Variants in PRKN observed in about 807,000 individuals in gnomAD.
The protein encoded by PRKN is parkin RBR E3 ubiquitin protein ligase, also known as E3 ubiquitin-protein ligase parkin.
Under a neutral mutation model 59.5 loss-of-function variants are expected in PRKN, and 56 were observed. The observed-to-expected ratio is 0.94, with a 90% CI of 0.76 to 1.18. PRKN has a LOEUF of 1.18. PRKN is among the 50% of genes most tolerant of loss of function. PRKN has a pLI of 0.00. For missense variants in PRKN, 657 were observed against 596.4 expected (o/e 1.10, Z -1.06); for synonymous variants, 250 against 222.1 (o/e 1.13, Z -1.12).
At chr6:162,366,786 C>G (rs1401125689) in intron 2 of PRKN, among the ~76,000 whole-genome samples, 2 of 152,048 alleles carry the variant, frequency 1.3e-5, no homozygotes, top group Non-Finnish European at 2.9e-5. Context: ...ATAATCCCAG[C>G]TACTTGGGAG....
chr6:161,834,333 C>T (rs1792647859), intron 6 of PRKN, among the ~76,000 whole-genome samples: 1 of 152,186 alleles, frequency 6.6e-6, no homozygotes. Context: ...AGGCCTCACA[C>T]ATTCTCACTC....
intron 1 of PRKN, among the ~76,000 whole-genome samples, chr6:162,679,078 A>ATTTG (rs1779668854): frequency 8.0e-6 from 1 of 124,370 alleles, no homozygotes. Flanking sequence ...CCTGGCCTTT[A>ATTTG]TTTATTTATT....
At chr6:162,120,032 A>G (rs1270942800) in intron 4 of PRKN, among the ~76,000 whole-genome samples, 1 of 152,104 alleles carries the variant, frequency 6.6e-6, no homozygotes, top group East Asian at 1.9e-4. Context: ...TCTTGTTGTT[A>G]TTTCAGGTAG....
At chr6:162,398,806 C>T (rs1311652584) in intron 2 of PRKN, among the ~76,000 whole-genome samples, 1 of 152,164 alleles carries the variant, frequency 6.6e-6, no homozygotes, top group Non-Finnish European at 1.5e-5. Context: ...GCAAATGATA[C>T]ATTCCTGCTT....
intron 1 of PRKN, among the ~76,000 whole-genome samples, chr6:162,553,803 A>G (rs1406348878): frequency 6.8e-5 from 1 of 14,664 alleles, no homozygotes; most frequent in Non-Finnish European, 2.0e-4. Context: ...ATCCATCTCA[A>G]AAAAAAAAAA....
rs550809108 is a variant in PRKN, at chr6:162,478,728, T to C, written c.8-35255A>G. Among the ~76,000 whole-genome samples the C allele has an allele frequency of 3.3e-5, 5 of 152,304 alleles. 1 individual carries two copies. In the South Asian group the frequency reaches 6.2e-4, roughly 19 times the overall value. ...CAGGCGACTCCACACCTAGGCTCTA[T>C]GGGGCAGCCTGCTGCTCTTGGCTAC... On this transcript the variant is annotated intron_variant, in intron 1 of 11. Transcript: ENST00000366898.
At chr6:161,453,677 A>C (rs1789840597) in intron 9 of PRKN, among the ~76,000 whole-genome samples, 1 of 151,964 alleles carries the variant, frequency 6.6e-6, no homozygotes, top group Admixed American at 6.6e-5. Flanking sequence ...AATTCTTTGA[A>C]ATAAAGAGAA....
At chr6:161,899,297 T>C (rs1696718146) in intron 6 of PRKN, among the ~76,000 whole-genome samples, 1 of 152,212 alleles carries the variant, frequency 6.6e-6, no homozygotes, top group Non-Finnish European at 1.5e-5. Flanking sequence ...AATTACAAAA[T>C]GTTATACAAA....
At chr6:162,170,964 ATTCT>A (rs1783245062) in intron 4 of PRKN, among the ~76,000 whole-genome samples, 1 of 152,236 alleles carries the variant, frequency 6.6e-6, no homozygotes, top group Non-Finnish European at 1.5e-5. Context: ...CTATCCATTC[ATTCT>A]ATTAACAAAC....
chr6:161,733,825 T>TATATATATATATA (rs1484102927), intron 7 of PRKN, among the ~76,000 whole-genome samples: 1 of 144,572 alleles, frequency 6.9e-6, no homozygotes, highest in Non-Finnish European at 1.5e-5. Context: ...TATATATGTA[T>TATATATATATATA]TCCAAAGTGA....
chr6:162,481,107 G>A (rs997124100), intron 1 of PRKN, among the ~76,000 whole-genome samples: 1 of 152,186 alleles, frequency 6.6e-6, no homozygotes, highest in Non-Finnish European at 1.5e-5. Context: ...ACAGGCATGA[G>A]CCACTGCGCC....
chr6:161,776,520 T>C (rs907691326), intron 7 of PRKN, among the ~76,000 whole-genome samples: 2 of 152,248 alleles, frequency 1.3e-5, no homozygotes, highest in Non-Finnish European at 2.9e-5. Flanking sequence ...TTTGCATTTA[T>C]GAATGCTACA....
In PRKN at chr6:162,152,110, T is replaced by A. The variant is rs116203477; in HGVS notation, c.534+49021A>T. ...AACTTGTGGCTGCTCAACAGTAGAA[T>A]TGGAAAGAAAGGCTCTTCTCTGATT... On this transcript the variant is annotated intron_variant, in intron 4 of 11. Coordinates refer to ENST00000366898, the MANE Select transcript of PRKN (RefSeq NM_004562.3). Among the ~76,000 whole-genome samples the A allele has an allele frequency of 2.2e-3, 338 of 152,254 alleles. 1 individual carries two copies. The highest frequency in any genetic ancestry group is 7.8e-3 in the African/African-American group (323 of 41,556).
At chr6:161,884,354 A>G (rs1160070177) in intron 6 of PRKN, among the ~76,000 whole-genome samples, 1 of 152,236 alleles carries the variant, frequency 6.6e-6, no homozygotes, top group Non-Finnish European at 1.5e-5. Flanking sequence ...GGCCTATGAC[A>G]ATACACAGCA....
chr6:162,165,860 C>G (rs2023084), intron 4 of PRKN, among the ~76,000 whole-genome samples: 3,788 of 151,848 alleles, frequency 0.025, 176 homozygotes, highest in African/African-American at 0.087. Context: ...ACCAGCCTGG[C>G]CAACATGGTG....
rs1583222976 is a variant in PRKN at position 161,554,885 on chromosome 6, C to A, written c.934-5882G>T. Among the ~76,000 whole-genome samples, 1 of 152,058 alleles carries A rather than the reference C, an allele frequency of 6.6e-6. No individual in the cohort carries two copies. The highest frequency in any genetic ancestry group is 1.9e-4 in the East Asian group (1 of 5,174). On this transcript the variant is annotated intron_variant, in intron 8 of 11. Transcript: ENST00000366898. This position sits in a 1 kb window ranked among gnomAD's most constrained non-coding sequence, Gnocchi z 4.5. ...TTTTCCTTTGTAAATTAATTGCCCT[C>A]TTTTGCCTAGATGCCCAAGGAATTT...
intron 6 of PRKN, among the ~76,000 whole-genome samples, chr6:161,943,274 A>C (rs932799147): frequency 6.6e-6 from 1 of 152,124 alleles, no homozygotes; most frequent in East Asian, 1.9e-4. Flanking sequence ...CAAATAAGAC[A>C]AAAAAAATTA....
At chr6:161,790,285 G>A (rs2128207784) in intron 6 of PRKN, among the ~76,000 whole-genome samples, 1 of 152,302 alleles carries the variant, frequency 6.6e-6, no homozygotes, top group Admixed American at 6.5e-5. Context: ...AATCAGGTGG[G>A]CTGATCAAAA....
chr6:162,479,121 C>T (rs113627527), intron 1 of PRKN, among the ~76,000 whole-genome samples: 41 of 151,964 alleles, frequency 2.7e-4, no homozygotes, highest in African/African-American at 9.7e-4. Flanking sequence ...TTAATAATAC[C>T]GGTTTAACAC....
Sources: gnomAD v4.1 joint callset for allele counts (sites outside exome capture counted in the v4.1 genomes callset) on GRCh38, gnomAD v4.1.1 for gene constraint, Gnocchi (gnomAD v3.1) non-coding constraint, MANE v1.5 for transcripts, NCBI Gene and HGNC (gene_info 2026-07-23, HGNC 2026-07-21) for gene names.